Variants in USP2 observed in about 807,000 individuals in gnomAD.
The protein encoded by USP2 is ubiquitin specific peptidase 2, also known as ubiquitin carboxyl-terminal hydrolase 2.
USP2 carries 33 observed loss-of-function variants against 72.0 expected under a neutral mutation model. The observed-to-expected ratio is 0.46, with a 90% CI of 0.35 to 0.61. The LOEUF is 0.61. Among genes scored for constraint, USP2 ranks in the 20% least tolerant of loss-of-function variants. The probability of loss-of-function intolerance (pLI) is 0.01; values close to 1 mark genes in which losing one functional copy is unlikely to be tolerated. For synonymous variants in USP2, 296 were observed against 312.5 expected, an observed-to-expected ratio of 0.95 and a Z score of 0.56; for missense variants, 691 against 797.8, an observed-to-expected ratio of 0.87 and a Z score of 1.61.
At position 119,359,042 on chromosome 11, in the gene USP2, T is replaced by C; in HGVS notation, c.1154A>G (p.Glu385Gly). ...TACTTACGGAAGATGATCGAGGTTC[T>C]CAGGGTTGGACTTAGGTCTCAGTGT... ...RVTLRPKSNP[E>G]NLDHLPDDEK... The change falls in exon 6 of 13, where the codon GAG (glutamate) becomes GGG (glycine). Residue 385 changes from glutamate to glycine, a missense_variant. Transcript: ENST00000260187. The C allele has an allele frequency of 6.2e-7, 1 of 1,614,096 alleles. No homozygotes were observed.
chr11:119,372,542 G>A (rs1004025949), intron 2 of USP2, among the ~76,000 whole-genome samples, 165 bp downstream of exon 2: 2 of 152,226 alleles, frequency 1.3e-5, no homozygotes, highest in African/African-American at 4.8e-5. Context: ...CCCTCGGCAC[G>A]GAGCCCCAGG....
At chr11:119,378,482 C>T (rs954370288) in intron 1 of USP2, among the ~76,000 whole-genome samples, 2 of 152,172 alleles carry the variant, frequency 1.3e-5, no homozygotes, top group Non-Finnish European at 2.9e-5. Context: ...AATCCTCTTG[C>T]CTCCCCTGGC....
chr11:119,357,847 G>A lies in USP2; in HGVS notation c.1423-12C>T, dbSNP rs952226623. On this transcript the variant is annotated splice_polypyrimidine_tract_variant and intron_variant, in intron 9 of 12. Coordinates refer to ENST00000260187, the MANE Select transcript of USP2 (RefSeq NM_004205.5). ...CAGCGACAGCATGTCTGAGAGACAA[G>A]ACAAACAGAAAGAACTTGTGGGGAA... The A allele has an allele frequency of 1.2e-6, 2 of 1,613,542 alleles. No homozygotes were observed. The highest frequency in any genetic ancestry group is 2.2e-5 in the South Asian group (2 of 91,066).
At chr11:119,380,387 G>A (rs1456948778) in intron 1 of USP2, among the ~76,000 whole-genome samples, 2 of 151,930 alleles carry the variant, frequency 1.3e-5, no homozygotes, top group African/African-American at 4.8e-5. Flanking sequence ...AGAAAAATAC[G>A]GCAAGTGCAG....
Position 119,356,678 on chromosome 11 carries a change from C to A in USP2, c.*157G>T. On this transcript the variant is annotated 3_prime_UTR_variant, in exon 13 of 13. Coordinates refer to ENST00000260187, the MANE Select transcript of USP2 (RefSeq NM_004205.5). ...GGAAAGCCCGGCTCCTTGCTCCAGA[C>A]CCTGATCAGGCTGCATCCACTCCTG... The A allele has an allele frequency of 1.4e-6, 1 of 739,884 alleles. No homozygotes were observed. The highest frequency in any genetic ancestry group is 2.2e-6 in the Non-Finnish European group (1 of 463,730). The allele number at this position is 739,884 out of a possible 1,614,324, so 45.8% of individuals were successfully genotyped here.
At position 119,367,332 on chromosome 11, in the gene USP2, A is replaced by C. The variant is rs187095655; in HGVS notation, c.774+5375T>G. On this transcript the variant is annotated intron_variant, in intron 2 of 12. Transcript: ENST00000260187. ...GCATGAGATGGAGTGATATAAATGAAAGTTAGGGCTAGCTCTATGAGGGCG... is the reference window on the plus strand; with the variant it reads ...GCATGAGATGGAGTGATATAAATGACAGTTAGGGCTAGCTCTATGAGGGCG... Among the ~76,000 whole-genome samples, 311 of 152,276 alleles carry C rather than the reference A, an allele frequency of 2.0e-3. 1 individual carries two copies. Among genetic ancestry groups the C allele is most frequent in the Admixed American group, 4.8e-3 (74 of 15,298 alleles).
At chr11:119,381,194 G>A (rs1348306265) in intron 1 of USP2, among the ~76,000 whole-genome samples, 4 of 152,050 alleles carry the variant, frequency 2.6e-5, no homozygotes, top group Non-Finnish European at 5.9e-5. Flanking sequence ...ACATACCACC[G>A]ATATACACGG....
rs1318594050 is a variant in USP2 at position 119,355,795 on chromosome 11, G to A, written c.*1040C>T. On this transcript the variant is annotated 3_prime_UTR_variant, in exon 13 of 13. Coordinates refer to ENST00000260187, the MANE Select transcript of USP2 (RefSeq NM_004205.5). ...TCAAACAGCTGGGGAGCAGACCAGG[G>A]GTGGGCTAGAGGACGTGGGCGGGAA... The A allele has an allele frequency of 6.6e-6, 1 of 152,256 alleles. No individual in the cohort carries two copies. Among genetic ancestry groups the A allele is most frequent in the East Asian group, 1.9e-4 (1 of 5,198 alleles). 9.4% of individuals were successfully genotyped at this position (152,256 alleles called of 1,614,324 possible).
At chr11:119,365,671 C>T (rs1334963298) in intron 2 of USP2, among the ~76,000 whole-genome samples, 1 of 152,194 alleles carries the variant, frequency 6.6e-6, no homozygotes, top group South Asian at 2.1e-4. Context: ...GCCCCGAAGC[C>T]TCAGGTAGCC....
rs1477026767 is a variant in USP2, at chr11:119,364,228, C to A, written c.775-3994G>T. On this transcript the variant is annotated intron_variant, in intron 2 of 12. Coordinates refer to ENST00000260187, the MANE Select transcript of USP2 (RefSeq NM_004205.5). ...CCGACTGGCGGCCCCGCCGGCGCCT[C>A]GGGCCCCGCGACGTCAGCGCTGGGG... The A allele has an allele frequency of 4.8e-5, 52 of 1,091,760 alleles. No homozygotes were observed. In the South Asian group the frequency reaches 2.0e-3, roughly 43 times the overall value. The allele number at this position is 1,091,760 out of a possible 1,614,324, so 67.6% of individuals were successfully genotyped here.
rs769234434 is a variant in USP2, at chr11:119,373,007, G to T, written c.474C>A (p.Ser158Arg). ...RDFSSLRTSD[S>R]YRIDPRNLGR... ...CCAGGTTCCTGGGGTCTATCCGGTA[G>T]CTATCTGAGGTCCGGAGGCTGGAGA... The change falls in exon 2 of 13, where the codon AGC (serine) becomes AGA (arginine). Residue 158 changes from serine (S) to arginine (R), a missense_variant. Physicochemically the swap from Ser to Arg is moderately radical, Grantham distance 110. Transcript: ENST00000260187. 1.9e-6 allele frequency: 3 copies of T among 1,613,854 alleles called. No individual in the cohort carries two copies. The South Asian group carries it at 3.3e-5, about 18-fold the overall frequency.
Position 119,373,402 on chromosome 11 carries a change from A to C in USP2, c.79T>G (p.Tyr27Asp). The change falls in exon 2 of 13, where the codon TAT becomes GAT. Residue 27 changes from tyrosine to aspartate, a missense_variant. Coordinates refer to ENST00000260187, the MANE Select transcript of USP2 (RefSeq NM_004205.5). ...YTDAHYAKSG[Y>D]GAYTPSSYGA... ...TAGGAGGACGGGGTGTAGGCACCAT[A>C]GCCCGACTTGGCATAGTGGGCATCT... 3.7e-6 allele frequency: 6 copies of C among 1,607,688 alleles called. No individual in the cohort carries two copies. The highest frequency in any genetic ancestry group is 5.1e-6 in the Non-Finnish European group (6 of 1,179,942).
At chr11:119,369,079 G>C (rs1950892627) in intron 2 of USP2, among the ~76,000 whole-genome samples, 1 of 152,200 alleles carries the variant, frequency 6.6e-6, no homozygotes, top group African/African-American at 2.4e-5. Flanking sequence ...TGAGCCACCT[G>C]AGCTGGCTTG....
intron 2 of USP2, chr11:119,364,133 G>C (rs1162895692): frequency 8.2e-7 from 1 of 1,219,846 alleles, no homozygotes; most frequent in Non-Finnish European, 1.0e-6. Context: ...GCGCCCGAAC[G>C]CGCGCTCCTC....
chr11:119,358,893 G>A (rs1478941091), intron 6 of USP2, 56 bp from the exon 7 acceptor site: 23 of 1,601,292 alleles, frequency 1.4e-5, no homozygotes, highest in Non-Finnish European at 2.0e-5. Context: ...AAGTTTAAGG[G>A]TCTGTCAATT....
At chr11:119,379,030 G>A in intron 1 of USP2, 1 of 985,518 alleles carries the variant, frequency 1.0e-6, no homozygotes, top group Non-Finnish European at 1.2e-6. Context: ...CACTGGATGG[G>A]AGCTGGGGGC....
chr11:119,380,692 C>T (rs996144595), intron 1 of USP2: 2 of 154,792 alleles, frequency 1.3e-5, no homozygotes. Context: ...TCATTCCAGT[C>T]CTCATTCTGA....
At chr11:119,372,623 G>T in intron 2 of USP2, 84 bp downstream of exon 2, 1 of 1,343,194 alleles carries the variant, frequency 7.4e-7, no homozygotes, top group South Asian at 1.5e-5. Context: ...CATCAGTCAG[G>T]TTGGGAGTCG....
chr11:119,378,842 G>A (rs530232258), intron 1 of USP2, among the ~76,000 whole-genome samples: 61 of 152,296 alleles, frequency 4.0e-4, no homozygotes, highest in African/African-American at 1.4e-3. Flanking sequence ...CCTCTAGGGC[G>A]TCATCTTTCC....
Sources: allele counts gnomAD v4.1 joint callset (sites outside exome capture counted in the v4.1 genomes callset), GRCh38; gene constraint gnomAD v4.1.1; transcripts MANE v1.5; gene names NCBI Gene and HGNC (gene_info 2026-07-23, HGNC 2026-07-21).